Variants in KIRREL1 observed in about 807,000 individuals in gnomAD.
The protein encoded by KIRREL1 is kirre like nephrin family adhesion molecule 1.
A neutral mutation model predicts 83.3 loss-of-function variants in KIRREL1; 25 were observed. The ratio of observed to expected loss-of-function variants is 0.30; its 90% CI spans 0.22 to 0.42. The LOEUF (loss-of-function observed/expected upper bound fraction) is 0.42, where lower values mean the gene tolerates loss of function less well. Ranked by LOEUF, KIRREL1 falls within the 10% of genes least tolerant of loss-of-function variation. The pLI is 1.00. For missense variants in KIRREL1, 812 were observed against 1,032.3 expected, an observed-to-expected ratio of 0.79 and a Z score of 2.92; for synonymous variants, 388 against 410.4, an observed-to-expected ratio of 0.95 and a Z score of 0.66.
At chr1:158,074,885 A>G (rs978899316) in intron 1 of KIRREL1, among the ~76,000 whole-genome samples, 1 of 152,198 alleles carries the variant, frequency 6.6e-6, no homozygotes, top group Non-Finnish European at 1.5e-5. Context: ...GGAAAAGGTC[A>G]GATTTGGGGA....
intron 7 of KIRREL1, 40 bp from the exon 8 acceptor site, chr1:158,088,287 A>C: frequency 6.3e-7 from 1 of 1,599,282 alleles, no homozygotes; most frequent in Non-Finnish European, 8.5e-7. Flanking sequence ...TAACCCCATG[A>C]GCTTGAGACC....
intron 1 of KIRREL1, among the ~76,000 whole-genome samples, chr1:158,029,339 G>C (rs576160440): frequency 7.1e-6 from 1 of 141,368 alleles, no homozygotes; most frequent in African/African-American, 2.9e-5. Context: ...ACAAAAACCT[G>C]TGTGTGTGTG....
chr1:158,032,865 C>T (rs753537760), intron 1 of KIRREL1, among the ~76,000 whole-genome samples: 10 of 151,958 alleles, frequency 6.6e-5, no homozygotes, highest in Non-Finnish European at 1.2e-4. Context: ...CCACTTCCCG[C>T]GTTCAAGCAA....
intron 4 of KIRREL1, 21 bp from the exon 5 acceptor site, chr1:158,086,575 C>G (rs1184144809): frequency 6.4e-7 from 1 of 1,551,248 alleles, no homozygotes; most frequent in South Asian, 1.2e-5. Context: ...AACCATATCT[C>G]CCACCCTTGT....
chr1:158,086,778 G>A (rs1267890472), intron 5 of KIRREL1, 32 bp downstream of exon 5: 1 of 1,513,728 alleles, frequency 6.6e-7, no homozygotes, highest in Admixed American at 2.0e-5. Context: ...GTCTGGAGCA[G>A]GGGGGTGGAA....
chr1:158,063,102 C>T (rs1441504297), intron 1 of KIRREL1, among the ~76,000 whole-genome samples: 2 of 152,084 alleles, frequency 1.3e-5, no homozygotes, highest in African/African-American at 4.8e-5. Flanking sequence ...CTCTGGCTGT[C>T]GAAATATTTC....
chr1:158,024,160 G>A (rs1660088922), intron 1 of KIRREL1, among the ~76,000 whole-genome samples: 1 of 152,066 alleles, frequency 6.6e-6, no homozygotes, highest in South Asian at 2.1e-4. Flanking sequence ...TGTTGGCCAG[G>A]CTAGTCTCGA....
At chr1:158,017,456 C>T (rs1659861995) in intron 1 of KIRREL1, among the ~76,000 whole-genome samples, 1 of 151,924 alleles carries the variant, frequency 6.6e-6, no homozygotes, top group African/African-American at 2.4e-5. Flanking sequence ...CTTTGGGAAG[C>T]TGAGGAGGGC....
chr1:158,006,512 G>A (rs868845226), intron 1 of KIRREL1, among the ~76,000 whole-genome samples: 9 of 152,234 alleles, frequency 5.9e-5, no homozygotes, highest in Admixed American at 4.6e-4. Flanking sequence ...AGGCGAGACT[G>A]CCTCCTGGGC....
At chr1:158,019,500 A>G (rs1659941346) in intron 1 of KIRREL1, among the ~76,000 whole-genome samples, 4 of 152,028 alleles carry the variant, frequency 2.6e-5, no homozygotes. Flanking sequence ...TGGGGTGACT[A>G]TATGGGGGTC....
At position 158,084,419 on chromosome 1, in the gene KIRREL1, C is replaced by T. The variant is rs1174098130; in HGVS notation, c.353-3C>T. 3 of 1,548,780 alleles carry T rather than the reference C, an allele frequency of 1.9e-6. No homozygotes were observed. The highest frequency in any genetic ancestry group is 2.6e-6 in the Non-Finnish European group (3 of 1,145,240). On this transcript the variant is annotated splice_polypyrimidine_tract_variant and splice_region_variant and intron_variant, in intron 3 of 14. Transcript: ENST00000359209. ...ACTGACTTTGCTCTGCTTTCTCCCA[C>T]AGTCCCCCCAGAGGACACCAGGATT...
intron 4 of KIRREL1, 51 bp from the exon 5 acceptor site, chr1:158,086,545 G>C: frequency 6.5e-7 from 1 of 1,538,806 alleles, no homozygotes; most frequent in Middle Eastern, 1.7e-4. Context: ...CTTAAGAGCA[G>C]AGGAGGGGGC....
intron 1 of KIRREL1, among the ~76,000 whole-genome samples, chr1:158,023,368 G>T (rs952840767): frequency 6.6e-6 from 1 of 152,164 alleles, no homozygotes; most frequent in African/African-American, 2.4e-5. Context: ...TGAGTGCCAG[G>T]CACTGTTCAG....
Position 158,010,356 on chromosome 1 carries a change from CA to C in KIRREL1, c.52+16629del, listed in dbSNP as rs755890307. Reference sequence around the variant, plus strand: ...ACACACACACACACACACACACACACACACACCCCACACAGTCCTGAGAATG... The same window carrying C: ...ACACACACACACACACACACACACACCACACCCCACACAGTCCTGAGAATG... On this transcript the variant is annotated intron_variant, in intron 1 of 14. Transcript: ENST00000359209. Among the ~76,000 whole-genome samples the C allele has an allele frequency of 1.6e-3, 226 of 139,676 alleles. 3 individuals carry two copies. Among genetic ancestry groups the C allele is most frequent in the East Asian group, 5.8e-3 (29 of 4,958 alleles). The allele number at this position is 139,676 out of a possible 152,430, so 91.6% of individuals were successfully genotyped here.
intron 7 of KIRREL1, 55 bp from the exon 8 acceptor site, chr1:158,088,272 G>A: frequency 6.2e-7 from 1 of 1,600,166 alleles, no homozygotes; most frequent in South Asian, 1.1e-5. Flanking sequence ...AAGATTGATT[G>A]GAGTTAACCC....
At chr1:158,050,772 C>T (rs1206142776) in intron 1 of KIRREL1, among the ~76,000 whole-genome samples, 1 of 152,088 alleles carries the variant, frequency 6.6e-6, no homozygotes, top group Admixed American at 6.5e-5. Flanking sequence ...CTTCATCTCT[C>T]TGGGCCTCAG....
In KIRREL1 at chr1:158,064,019, A is replaced by T. The variant is rs917136738; in HGVS notation, c.53-12094A>T. On this transcript the variant is annotated intron_variant, in intron 1 of 14. Transcript: ENST00000359209. ...AAGTATTTATTACATGAATAGATGT[A>T]TGTTGAATTAAGTTTATTTTCTCTG... Among the ~76,000 whole-genome samples, 7 of 152,322 alleles carry T rather than the reference A, an allele frequency of 4.6e-5. No homozygotes were observed. In the East Asian group the frequency reaches 1.2e-3, roughly 25 times the overall value.
intron 1 of KIRREL1, among the ~76,000 whole-genome samples, chr1:158,032,492 T>G (rs17453287): frequency 0.029 from 4,420 of 152,320 alleles, 87 homozygotes; most frequent in Middle Eastern, 0.051. Flanking sequence ...AGGGAACTTG[T>G]CTCTGGAATT....
chr1:158,071,643 A>G (rs188376663), intron 1 of KIRREL1, among the ~76,000 whole-genome samples: 8 of 152,080 alleles, frequency 5.3e-5, no homozygotes, highest in Admixed American at 4.6e-4. Flanking sequence ...GGCCCCCGGG[A>G]GGCCACCTTC....
Sources: gnomAD v4.1 joint callset for allele counts (sites outside exome capture counted in the v4.1 genomes callset) on GRCh38, gnomAD v4.1.1 for gene constraint, MANE v1.5 for transcripts, NCBI Gene and HGNC (gene_info 2026-07-23, HGNC 2026-07-21) for gene names.